GPR139: variants seen among roughly 807,000 people sequenced by gnomAD.
GPR139 encodes probable G protein-coupled receptor 139.
Under a neutral mutation model 25.8 loss-of-function variants are expected in GPR139, and 12 were observed. The ratio of observed to expected loss-of-function variants is 0.47; its 90% CI spans 0.30 to 0.75. The LOEUF is 0.75. Among genes scored for constraint, GPR139 ranks in the 30% least tolerant of loss-of-function variants. The probability of loss-of-function intolerance (pLI) is 0.07; values close to 1 mark genes in which losing one functional copy is unlikely to be tolerated. For missense variants in GPR139, 380 were observed against 450.2 expected (o/e 0.84, Z 1.41); for synonymous variants, 184 against 179.9 (o/e 1.02, Z -0.18).
At position 20,028,853 on chromosome 16, in the gene GPR139, G is replaced by A. The variant is rs922366391; in HGVS notation, c.*2882C>T. ...TGAAAGAGGCACCACAAAAACCCAC[G>A]ATAAGGCAATTGCTTTAGTGCCACC... is the stretch of plus-strand genomic sequence containing the variant. On this transcript the variant is annotated 3_prime_UTR_variant, in exon 2 of 2. Transcript: ENST00000570682. 6.6e-6 allele frequency among the ~76,000 whole-genome samples: 1 copy of A among 152,044 alleles called. No individual in the cohort carries two copies. Among genetic ancestry groups the A allele is most frequent in the African/African-American group, 2.4e-5 (1 of 41,398 alleles).
chr16:20,058,101 C>T (rs1008362907), intron 1 of GPR139, among the ~76,000 whole-genome samples: 3 of 152,166 alleles, frequency 2.0e-5, no homozygotes, highest in Non-Finnish European at 4.4e-5. Context: ...GGTTAAATGC[C>T]TACTATGTGC....
intron 1 of GPR139, among the ~76,000 whole-genome samples, chr16:20,059,036 G>T (rs1567239411): frequency 6.6e-6 from 1 of 152,180 alleles, no homozygotes; most frequent in Non-Finnish European, 1.5e-5. Context: ...GGTGGCTGGG[G>T]TGGGAGGAGG....
At chr16:20,034,002 TC>T (rs199590860) in intron 1 of GPR139, among the ~76,000 whole-genome samples, 17 of 151,774 alleles carry the variant, frequency 1.1e-4, no homozygotes, top group African/African-American at 4.1e-4. Context: ...AAAAAAAGTC[TC>T]CCTGAATTAA....
At chr16:20,065,965 C>T (rs988562195) in intron 1 of GPR139, among the ~76,000 whole-genome samples, 10 of 151,302 alleles carry the variant, frequency 6.6e-5, no homozygotes, top group African/African-American at 2.2e-4. Context: ...ATAAGTGTGT[C>T]AGCAATTATT....
rs371146368 is a variant in GPR139 at position 20,031,738 on chromosome 16, C to A, written c.1059G>T (p.Pro353=). The change falls in exon 2 of 2, where the codon CCG becomes CCT. Residue 353 remains proline, a synonymous_variant. Transcript: ENST00000570682. The stretch of plus-strand genomic sequence containing the variant: ...AGTAGTTGCCACACCTATGGAATCA[C>A]GGGGATACTTTTATAGGTTTTCCAT... The part of the protein sequence containing the change: ...DKNGKPIKVS[P] 2 of 1,612,596 alleles carry A rather than the reference C, an allele frequency of 1.2e-6. No individual in the cohort carries two copies. Among genetic ancestry groups the A allele is most frequent in the Non-Finnish European group, 1.7e-6 (2 of 1,178,784 alleles).
chr16:20,043,551 A>G (rs913377187), intron 1 of GPR139, among the ~76,000 whole-genome samples: 2 of 152,176 alleles, frequency 1.3e-5, no homozygotes, highest in Admixed American at 1.3e-4. Flanking sequence ...ATGCTTATAT[A>G]ATAAGGTCAG....
At position 20,032,449 on chromosome 16, in the gene GPR139, T is replaced by C. The variant is rs758080532; in HGVS notation, c.348A>G (p.Ile116Met). ...CAATGGTTAACGGTACAGTAATCCA[T>C]ATGGAGGTGTGGATGGATGAGAATT... ...VLEFSSIHTS[I>M]WITVPLTIDR... The change falls in exon 2 of 2, where the codon ATA becomes ATG. Residue 116 changes from isoleucine (I) to methionine (M), a missense_variant. By Grantham distance (10) the Ile-to-Met change is conservative. Coordinates refer to ENST00000570682, the MANE Select transcript of GPR139 (RefSeq NM_001002911.4). The C allele has an allele frequency of 6.2e-7, 1 of 1,614,128 alleles. No individual in the cohort carries two copies. Among genetic ancestry groups the C allele is most frequent in the African/African-American group, 1.3e-5 (1 of 75,024 alleles).
intron 1 of GPR139, among the ~76,000 whole-genome samples, chr16:20,046,404 G>A (rs1218498189): frequency 6.6e-6 from 1 of 152,192 alleles, no homozygotes; most frequent in East Asian, 1.9e-4. Context: ...CCGCCAACTA[G>A]CTCTGTGGCT....
intron 1 of GPR139, among the ~76,000 whole-genome samples, chr16:20,069,592 C>T (rs556349025): frequency 4.7e-4 from 72 of 152,308 alleles, no homozygotes; most frequent in African/African-American, 1.4e-3. Flanking sequence ...TGTTATCATT[C>T]TCACTTGGCA....
At chr16:20,050,317 G>A (rs2057367707) in intron 1 of GPR139, among the ~76,000 whole-genome samples, 1 of 152,154 alleles carries the variant, frequency 6.6e-6, no homozygotes, top group African/African-American at 2.4e-5. Context: ...AGCAAGAGAC[G>A]GGATGGCTGT....
chr16:20,063,641 C>G (rs2057421731), intron 1 of GPR139, among the ~76,000 whole-genome samples: 1 of 152,174 alleles, frequency 6.6e-6, no homozygotes, highest in Non-Finnish European at 1.5e-5. Context: ...CAGACTTGTA[C>G]CACCTAAAAT....
intron 1 of GPR139, among the ~76,000 whole-genome samples, chr16:20,044,994 ATTT>A (rs10581585): frequency 0.11 from 9,179 of 86,362 alleles, 415 homozygotes; most frequent in Non-Finnish European, 0.14. Context: ...CACTTGCACT[ATTT>A]TTTTTTTTTT....
At chr16:20,060,816 C>A (rs1230005292) in intron 1 of GPR139, among the ~76,000 whole-genome samples, 1 of 152,128 alleles carries the variant, frequency 6.6e-6, no homozygotes. Context: ...TATGTGTGTA[C>A]CAGTCCCCTC....
intron 1 of GPR139, among the ~76,000 whole-genome samples, chr16:20,058,371 T>C (rs1173100689): frequency 6.6e-6 from 1 of 151,878 alleles, no homozygotes; most frequent in Non-Finnish European, 1.5e-5. Flanking sequence ...ATTGTATACA[T>C]AGTCAAATTT....
At chr16:20,033,765 G>T (rs1203898094) in intron 1 of GPR139, among the ~76,000 whole-genome samples, 5 of 151,990 alleles carry the variant, frequency 3.3e-5, no homozygotes, top group South Asian at 2.1e-4. Context: ...AATCATCAAA[G>T]TTCCCCTCCC....
At chr16:20,052,064 C>T (rs1277664250) in intron 1 of GPR139, among the ~76,000 whole-genome samples, 1 of 152,202 alleles carries the variant, frequency 6.6e-6, no homozygotes, top group Non-Finnish European at 1.5e-5. Context: ...TCCTGCCCAC[C>T]ATATGTGGGC....
At chr16:20,037,407 G>A (rs1429730151) in intron 1 of GPR139, among the ~76,000 whole-genome samples, 2 of 149,232 alleles carry the variant, frequency 1.3e-5, no homozygotes, top group Non-Finnish European at 3.0e-5. Flanking sequence ...AGCCGAGATC[G>A]TACCACTGCA....
chr16:20,072,341 G>C (rs922258957), intron 1 of GPR139, among the ~76,000 whole-genome samples: 1 of 152,172 alleles, frequency 6.6e-6, no homozygotes, highest in Admixed American at 6.5e-5. Context: ...TTTGGGAAAG[G>C]AAATCTCAGC....
chr16:20,046,325 C>G (rs1281535657), intron 1 of GPR139, among the ~76,000 whole-genome samples: 1 of 152,210 alleles, frequency 6.6e-6, no homozygotes, highest in East Asian at 1.9e-4. Flanking sequence ...CAGTGATAGA[C>G]AAACACACAA....
Sources: allele counts gnomAD v4.1 joint callset (sites outside exome capture counted in the v4.1 genomes callset), GRCh38; gene constraint gnomAD v4.1.1; transcripts MANE v1.5; gene names NCBI Gene and HGNC (gene_info 2026-07-23, HGNC 2026-07-21).